Variants in PPP6R1 observed in about 807,000 individuals in gnomAD.
PPP6R1 encodes serine/threonine-protein phosphatase 6 regulatory subunit 1.
A neutral mutation model predicts 104.6 loss-of-function variants in PPP6R1; 39 were observed. The observed-to-expected ratio is 0.37, with a 90% CI of 0.29 to 0.49. The LOEUF (loss-of-function observed/expected upper bound fraction) is 0.49. PPP6R1 is among the 20% of genes least tolerant of loss of function. PPP6R1 has a pLI of 0.98. For missense variants in PPP6R1, 1,181 were observed against 1,155.8 expected (o/e 1.02, Z -0.32); for synonymous variants, 549 against 479.0 (o/e 1.15, Z -1.91).
intron 1 of PPP6R1, among the ~76,000 whole-genome samples, chr19:55,254,388 T>C (rs559907981): frequency 2.6e-5 from 4 of 152,348 alleles, no homozygotes; most frequent in Admixed American, 2.6e-4. Flanking sequence ...CTCTGGTTTC[T>C]GACTTAGCTG....
downstream of PPP6R1, chr19:55,228,784 G>A (rs1568940890): frequency 2.5e-6 from 4 of 1,601,626 alleles, no homozygotes; most frequent in Non-Finnish European, 3.4e-6. Context: ...GGGAGCGAGT[G>A]GCTTCAGGGG....
At chr19:55,242,103 C>T in intron 7 of PPP6R1, 63 bp downstream of exon 7, 3 of 1,509,432 alleles carry the variant, frequency 2.0e-6, no homozygotes, top group African/African-American at 1.4e-5. Context: ...AGACCCGCCT[C>T]TGAGGGGCCG....
At chr19:55,242,675 G>A (rs2087469564) in intron 5 of PPP6R1, 187 bp from the exon 6 acceptor site, 2 of 592,396 alleles carry the variant, frequency 3.4e-6, no homozygotes, top group South Asian at 1.9e-5. Context: ...GGAGAGAACA[G>A]GAAGCCCGGA....
chr19:55,228,388 A>T (rs768488711), downstream of PPP6R1: 49 of 1,613,668 alleles, frequency 3.0e-5, no homozygotes, highest in East Asian at 1.1e-3. Context: ...GCAGAAGTAC[A>T]CGCAGCAGGA....
chr19:55,241,711 G>A lies in PPP6R1; in HGVS notation c.846-72C>T. The A allele has an allele frequency of 1.4e-6, 2 of 1,452,844 alleles. No homozygotes were observed. Among genetic ancestry groups the A allele is most frequent in the East Asian group, 2.5e-5 (1 of 40,058 alleles). 90.0% of individuals were successfully genotyped at this position (1,452,844 alleles called of 1,614,324 possible). A position where few individuals can be genotyped will look rare whatever the true frequency, so the allele number is the denominator to read the frequency against. ...GCGCCCACACAGGAGTAGGCACAAG[G>A]ACCACGTCTGCAGGGTCTGGAGGAA... On this transcript the variant is annotated intron_variant, in intron 7 of 23. Coordinates refer to ENST00000412770, the MANE Select transcript of PPP6R1 (RefSeq NM_014931.4). The surrounding 1 kb of genome is among the most constrained non-coding windows in gnomAD (Gnocchi z 5.4).
At chr19:55,234,718 G>A (rs956263434) in intron 17 of PPP6R1, among the ~76,000 whole-genome samples, 1 of 152,196 alleles carries the variant, frequency 6.6e-6, no homozygotes, top group Non-Finnish European at 1.5e-5. Context: ...TGCAGAACAA[G>A]CAATTCAGCT....
chr19:55,245,370 G>A lies in PPP6R1; in HGVS notation c.447C>T (p.Phe149=), dbSNP rs1054877129. ...CAATGTGCTGCAGCAGCAGGTCCAC[G>A]AAGTCATCCTTCTTCCGAAGAAAGG... ...LVSFLRKKDD[F]VDLLLQHIGT... is the part of the protein sequence containing the mutation. The change falls in exon 4 of 24, where the codon TTC becomes TTT. Residue 149 remains phenylalanine, a synonymous_variant. Transcript: ENST00000412770. This position sits in a 1 kb window ranked among gnomAD's most constrained non-coding sequence, Gnocchi z 6.4. 6.2e-6 allele frequency: 10 copies of A among 1,613,350 alleles called. No homozygotes were observed. Among genetic ancestry groups the A allele is most frequent in the South Asian group, 4.4e-5 (4 of 90,952 alleles).
At chr19:55,236,529 G>A in intron 17 of PPP6R1, 114 bp downstream of exon 17, 1 of 1,196,010 alleles carries the variant, frequency 8.4e-7, no homozygotes, top group Non-Finnish European at 1.1e-6. Flanking sequence ...ACACACCAAT[G>A]CAGGTTCCTT....
rs547623587 is a variant in PPP6R1 at position 55,242,069 on chromosome 19, G to A, written c.845+97C>T. On this transcript the variant is annotated intron_variant, in intron 7 of 23. Transcript: ENST00000412770. ...AGCCACAGAGCAAGGTGCCACGGGC[G>A]GGGATTTCTCTTGGTGGACACCGAG... The A allele has an allele frequency of 1.5e-4, 170 of 1,163,980 alleles. 1 individual carries two copies. The Middle Eastern group carries it at 4.3e-3, about 29-fold the overall frequency. 72.1% of individuals were successfully genotyped at this position (1,163,980 alleles called of 1,614,324 possible).
chr19:55,241,468 A>G lies in PPP6R1; in HGVS notation c.1008+9T>C. ...CGCCTCCCCGAGGACCAGAACCCACACCCCTGACCTTGGGAGGCTCCAGCA... is the reference window on the plus strand; with the variant it reads ...CGCCTCCCCGAGGACCAGAACCCACGCCCCTGACCTTGGGAGGCTCCAGCA... On this transcript the variant is annotated intron_variant, in intron 8 of 23. Transcript: ENST00000412770. The surrounding 1 kb of genome is among the most constrained non-coding windows in gnomAD (Gnocchi z 5.4). The G allele has an allele frequency of 6.3e-7, 1 of 1,598,986 alleles. No homozygotes were observed. The highest frequency in any genetic ancestry group is 8.5e-7 in the Non-Finnish European group (1 of 1,172,370).
chr19:55,254,986 C>T (rs1254356273), intron 1 of PPP6R1, among the ~76,000 whole-genome samples: 2 of 152,242 alleles, frequency 1.3e-5, no homozygotes, highest in Non-Finnish European at 2.9e-5. Context: ...GAACCAGGGA[C>T]ACCAATTTGA....
chr19:55,240,277 C>A lies in PPP6R1; in HGVS notation c.1320G>T (p.Val440=). The A allele has an allele frequency of 6.3e-7, 1 of 1,593,378 alleles. No homozygotes were observed. The highest frequency in any genetic ancestry group is 8.5e-7 in the Non-Finnish European group (1 of 1,170,756). ...VKHLLQQCRL[V]ERILTSWEEN... ...CCTCCCAGGACGTCAGGATCCGCTC[C>A]ACCAGGCGGCACTGCTGCAGCAGCT... The change falls in exon 11 of 24, where the codon GTG becomes GTT. Residue 440 remains valine, a synonymous_variant. Transcript: ENST00000412770.
Position 55,230,832 on chromosome 19 carries a change from G to T in PPP6R1, c.2512C>A (p.Pro838Thr). The T allele has an allele frequency of 6.2e-7, 1 of 1,606,720 alleles. No individual in the cohort carries two copies. Among genetic ancestry groups the T allele is most frequent in the South Asian group, 1.1e-5 (1 of 90,976 alleles). Residue 838 changes from proline to threonine, a missense_variant, in exon 22 of 24, where the codon CCC (proline) becomes ACC (threonine). Physicochemically the swap from Pro to Thr is conservative, Grantham distance 38. Coordinates refer to ENST00000412770, the MANE Select transcript of PPP6R1 (RefSeq NM_014931.4). ...SVPASGAHQP[P>T]QTTEGEKSPE... ...CTCTTCTCCCCTTCTGTGGTCTGGG[G>T]GGGCTGGTGGGCCCCGGAGGCTGGG...
intron 10 of PPP6R1, 144 bp downstream of exon 10, chr19:55,240,801 C>T: frequency 1.7e-6 from 2 of 1,203,912 alleles, no homozygotes; most frequent in Non-Finnish European, 2.3e-6. Flanking sequence ...CCTGGCCATG[C>T]CTCCCACACC....
At chr19:55,256,062 T>C (rs569341222) in intron 1 of PPP6R1, among the ~76,000 whole-genome samples, 12 of 152,232 alleles carry the variant, frequency 7.9e-5, no homozygotes, top group African/African-American at 2.6e-4. Flanking sequence ...TTAAGAGCAC[T>C]GGGCCACACA....
In PPP6R1 at chr19:55,245,193, T is replaced by C. The variant is rs2087496082; in HGVS notation, c.553-8A>G. On this transcript the variant is annotated splice_region_variant and splice_polypyrimidine_tract_variant and intron_variant, in intron 4 of 23. Transcript: ENST00000412770. The surrounding 1 kb of genome is among the most constrained non-coding windows in gnomAD (Gnocchi z 6.4). ...CTTCTCCTCGTTGAGCCACTGAGGG[T>C]GAGAAGGCGAGGGATGCATCGCTGT... 2 of 1,611,996 alleles carry C rather than the reference T, an allele frequency of 1.2e-6. No individual in the cohort carries two copies. Among genetic ancestry groups the C allele is most frequent in the Non-Finnish European group, 1.7e-6 (2 of 1,179,312 alleles).
chr19:55,249,533 G>A (rs1254844091), intron 1 of PPP6R1, among the ~76,000 whole-genome samples: 1 of 152,034 alleles, frequency 6.6e-6, no homozygotes, highest in African/African-American at 2.4e-5. Flanking sequence ...GAGCCACCAT[G>A]CCCAGACTCC....
chr19:55,239,392 A>G lies in PPP6R1; in HGVS notation c.1751+13T>C, dbSNP rs1362430406. On this transcript the variant is annotated intron_variant, in intron 15 of 23. Transcript: ENST00000412770. ...GCAGGACAGGGCTGTGACCCTGCGC[A>G]GGAGACACTCACTTCACACTCTCCT... is the stretch of plus-strand genomic sequence containing the variant. The G allele has an allele frequency of 3.7e-6, 6 of 1,608,544 alleles. No individual in the cohort carries two copies. In the African/African-American group the frequency reaches 6.7e-5, roughly 18 times the overall value.
rs369424608 is a variant in PPP6R1, at chr19:55,230,827, C to G, written c.2517G>C (p.Gln839His). The G allele has an allele frequency of 1.9e-6, 3 of 1,573,724 alleles. No homozygotes were observed. The African/African-American group carries it at 4.1e-5, about 22-fold the overall frequency. Residue 839 changes from glutamine (Q) to histidine (H), a missense_variant, in exon 22 of 24, where the codon CAG (glutamine) becomes CAC (histidine). Gln to His is a conservative substitution (Grantham distance 24, BLOSUM62 0). Transcript: ENST00000412770. Reference sequence around the variant, plus strand: ...CTGGGCTCTTCTCCCCTTCTGTGGTCTGGGGGGGCTGGTGGGCCCCGGAGG... The same window carrying G: ...CTGGGCTCTTCTCCCCTTCTGTGGTGTGGGGGGGCTGGTGGGCCCCGGAGG... ...VPASGAHQPPQTTEGEKSPEP... is the reference protein window; with the variant it reads ...VPASGAHQPPHTTEGEKSPEP...
Sources: allele counts gnomAD v4.1 joint callset (sites outside exome capture counted in the v4.1 genomes callset), GRCh38; gene constraint gnomAD v4.1.1; non-coding constraint Gnocchi (gnomAD v3.1); transcripts MANE v1.5; gene names NCBI Gene and HGNC (gene_info 2026-07-23, HGNC 2026-07-21).